ESRRG: variants seen among roughly 807,000 people sequenced by gnomAD.
The protein encoded by ESRRG is estrogen-related receptor gamma.
ESRRG carries 13 observed loss-of-function variants against 44.0 expected under a neutral mutation model. That is an observed-to-expected ratio of 0.30 (90% confidence interval 0.19 to 0.47). ESRRG has a LOEUF of 0.47. Ranked by LOEUF, ESRRG falls within the 20% of genes least tolerant of loss-of-function variation. ESRRG has a pLI of 1.00. For synonymous variants in ESRRG, 215 were observed against 214.6 expected (o/e 1.00, Z -0.02); for missense variants, 395 against 580.6 (o/e 0.68, Z 3.29).
At chr1:216,818,467 A>G (rs1328873782) in intron 2 of ESRRG, among the ~76,000 whole-genome samples, 2 of 152,162 alleles carry the variant, frequency 1.3e-5, no homozygotes, top group Admixed American at 1.3e-4. Flanking sequence ...ACACTCTAGG[A>G]AAAAGAAACG....
At chr1:216,648,537 CT>C (rs1559014949) in intron 3 of ESRRG, among the ~76,000 whole-genome samples, 1 of 152,116 alleles carries the variant, frequency 6.6e-6, no homozygotes, top group Non-Finnish European at 1.5e-5. Flanking sequence ...CAGTTCACAC[CT>C]CTTCATTCAC....
intron 1 of ESRRG, among the ~76,000 whole-genome samples, chr1:216,979,145 T>C (rs1345240540): frequency 6.6e-6 from 1 of 152,164 alleles, no homozygotes; most frequent in African/African-American, 2.4e-5. Flanking sequence ...GCAAAGTCTC[T>C]CTAAACCCCT....
chr1:216,518,869 T>C (rs966271043), intron 6 of ESRRG, among the ~76,000 whole-genome samples: 1 of 152,224 alleles, frequency 6.6e-6, no homozygotes, highest in Non-Finnish European at 1.5e-5. Context: ...TGTCCATTTA[T>C]GCTATTACTA....
At chr1:216,922,164 C>T (rs1172050798) in intron 2 of ESRRG, among the ~76,000 whole-genome samples, 2 of 152,188 alleles carry the variant, frequency 1.3e-5, no homozygotes, top group African/African-American at 4.8e-5. Flanking sequence ...ATCTACCCTC[C>T]AGGGCAAAGA....
chr1:216,977,039 A>G (rs1279059160), intron 1 of ESRRG, among the ~76,000 whole-genome samples: 1 of 152,140 alleles, frequency 6.6e-6, no homozygotes, highest in Non-Finnish European at 1.5e-5. Flanking sequence ...TAGTCATAAA[A>G]GAGTGAAAGC....
chr1:216,600,145 A>T (rs1347929983), intron 3 of ESRRG, among the ~76,000 whole-genome samples: 1 of 152,206 alleles, frequency 6.6e-6, no homozygotes, highest in Non-Finnish European at 1.5e-5. Flanking sequence ...CTGGTCTGAT[A>T]CGTTATTTTT....
intron 3 of ESRRG, among the ~76,000 whole-genome samples, chr1:216,579,723 C>T (rs2062373304): frequency 6.6e-6 from 1 of 152,104 alleles, no homozygotes; most frequent in African/African-American, 2.4e-5. Flanking sequence ...TGCAAGGATG[C>T]ATCTCTAAAT....
chr1:216,636,708 A>C (rs2150808616), intron 3 of ESRRG, among the ~76,000 whole-genome samples: 1 of 152,348 alleles, frequency 6.6e-6, no homozygotes, highest in Non-Finnish European at 1.5e-5. Context: ...TCCTAGCTTT[A>C]CAAGCTTGGG....
intron 1 of ESRRG, among the ~76,000 whole-genome samples, chr1:216,978,223 C>T (rs2073321285): frequency 6.6e-6 from 1 of 152,120 alleles, no homozygotes. Flanking sequence ...CCTCCAATGC[C>T]TACCTTTTTA....
chr1:216,527,363 A>G (rs1230819029), intron 5 of ESRRG, among the ~76,000 whole-genome samples: 6 of 152,048 alleles, frequency 3.9e-5, no homozygotes, highest in Non-Finnish European at 5.9e-5. Context: ...CTTCCATCCT[A>G]CCCAGGGCTA....
intron 1 of ESRRG, among the ~76,000 whole-genome samples, chr1:217,137,448 C>A (rs2093064594): frequency 6.6e-6 from 1 of 152,232 alleles, no homozygotes; most frequent in Non-Finnish European, 1.5e-5. Context: ...CAGGCGTTTG[C>A]GCGCGTCTCC....
intron 1 of ESRRG, among the ~76,000 whole-genome samples, chr1:216,966,036 T>C (rs2070280641): frequency 6.6e-6 from 1 of 152,188 alleles, no homozygotes; most frequent in South Asian, 2.1e-4. Flanking sequence ...TGCTGGTATG[T>C]GGGCCACATT....
intron 2 of ESRRG, among the ~76,000 whole-genome samples, chr1:216,752,371 T>G (rs938940612): frequency 6.6e-6 from 1 of 152,116 alleles, no homozygotes; most frequent in Non-Finnish European, 1.5e-5. Context: ...GAATTTCTTA[T>G]TGAAGAGGTA....
intron 2 of ESRRG, among the ~76,000 whole-genome samples, chr1:216,939,366 A>AAAAAAAAAAAAAC (rs2064809656): frequency 2.7e-5 from 4 of 145,778 alleles, no homozygotes; most frequent in African/African-American, 7.7e-5. Context: ...AAAAAAAAAA[A>AAAAAAAAAAAAAC]AAAACACTTT....
chr1:216,849,360 A>T (rs566708962), intron 2 of ESRRG, among the ~76,000 whole-genome samples: 56 of 152,266 alleles, frequency 3.7e-4, no homozygotes, highest in Non-Finnish European at 1.2e-4. Flanking sequence ...ATCAACTGGA[A>T]TTCGTCACAT....
intron 6 of ESRRG, among the ~76,000 whole-genome samples, chr1:216,516,144 C>T (rs532598506): frequency 6.6e-6 from 1 of 152,098 alleles, no homozygotes; most frequent in African/African-American, 2.4e-5. Context: ...GTAATAATTA[C>T]TCAAGAGGTT....
At chr1:216,546,104 A>G (rs2054421339) in intron 5 of ESRRG, among the ~76,000 whole-genome samples, 1 of 152,080 alleles carries the variant, frequency 6.6e-6, no homozygotes, top group African/African-American at 2.4e-5. Context: ...TGATGAGAGC[A>G]GGAGGTGGGG....
At chr1:216,887,054 T>G (rs1440422189) in intron 2 of ESRRG, among the ~76,000 whole-genome samples, 1 of 152,104 alleles carries the variant, frequency 6.6e-6, no homozygotes, top group Non-Finnish European at 1.5e-5. Context: ...AACAACTGCT[T>G]TCATTCTTTG....
chr1:216,836,805 A>C (rs1391125932), intron 2 of ESRRG, among the ~76,000 whole-genome samples: 2 of 152,220 alleles, frequency 1.3e-5, no homozygotes, highest in Non-Finnish European at 2.9e-5. Flanking sequence ...CGATGGCAAA[A>C]AGAGAGGCTA....
Sources: allele counts gnomAD v4.1 joint callset (sites outside exome capture counted in the v4.1 genomes callset), GRCh38; gene constraint gnomAD v4.1.1; transcripts MANE v1.5; gene names NCBI Gene and HGNC (gene_info 2026-07-23, HGNC 2026-07-21).